PHACTR1: variants seen among roughly 807,000 people sequenced by gnomAD.
The protein encoded by PHACTR1 is RPEL repeat containing 1.
Under a neutral mutation model 69.2 loss-of-function variants are expected in PHACTR1, and 16 were observed. The observed-to-expected ratio is 0.23, with a 90% CI of 0.16 to 0.35. The LOEUF (loss-of-function observed/expected upper bound fraction) is 0.35, where lower values mean the gene tolerates loss of function less well. Ranked by LOEUF, PHACTR1 falls within the 10% of genes least tolerant of loss-of-function variation. PHACTR1 has a pLI of 1.00. For synonymous variants in PHACTR1, 312 were observed against 284.5 expected (o/e 1.10, Z -0.97); for missense variants, 510 against 734.7 (o/e 0.69, Z 3.54).
intron 4 of PHACTR1, among the ~76,000 whole-genome samples, chr6:12,950,273 C>A (rs896240445): frequency 1.3e-5 from 2 of 152,222 alleles, no homozygotes; most frequent in Admixed American, 1.3e-4. Flanking sequence ...CAGTTAACTG[C>A]TTACCTGTCA....
chr6:13,094,286 A>T (rs1813771928), intron 5 of PHACTR1, among the ~76,000 whole-genome samples: 1 of 140,802 alleles, frequency 7.1e-6, no homozygotes, highest in East Asian at 2.2e-4. Context: ...TATTTTTTAA[A>T]AATGATAAAG....
chr6:12,932,934 C>CTTTTT (rs35209150), intron 4 of PHACTR1, among the ~76,000 whole-genome samples: 1 of 124,148 alleles, frequency 8.1e-6, no homozygotes, highest in African/African-American at 2.9e-5. Flanking sequence ...TATTCCAAAT[C>CTTTTT]TTTTTTTTTT....
intron 4 of PHACTR1, among the ~76,000 whole-genome samples, chr6:12,848,435 C>T (rs1201948466): frequency 1.3e-5 from 2 of 152,130 alleles, no homozygotes; most frequent in Non-Finnish European, 2.9e-5. Context: ...CTTTAGGCTC[C>T]ATTAGACTGA....
chr6:13,145,666 C>T (rs1396051425), intron 5 of PHACTR1, among the ~76,000 whole-genome samples: 1 of 152,090 alleles, frequency 6.6e-6, no homozygotes, highest in Non-Finnish European at 1.5e-5. Context: ...AGAAGAGACA[C>T]CAGAGAGCTC....
At position 13,059,864 on chromosome 6, in the gene PHACTR1, G is replaced by C. The variant is rs189300878; in HGVS notation, c.415+6335G>C. Reference sequence around the variant, plus strand: ...ATGTGGAATGAAAAAGAGAGGTCTGGGCTGGCTATGTAAATTTCAGGTCGT... The same window carrying C: ...ATGTGGAATGAAAAAGAGAGGTCTGCGCTGGCTATGTAAATTTCAGGTCGT... On this transcript the variant is annotated intron_variant, in intron 5 of 14. Transcript: ENST00000332995. Among the ~76,000 whole-genome samples the C allele has an allele frequency of 4.6e-5, 7 of 152,120 alleles. No individual in the cohort carries two copies. The East Asian group carries it at 1.2e-3, about 25-fold the overall frequency.
chr6:12,812,459 AT>A (rs1775126614), intron 4 of PHACTR1, among the ~76,000 whole-genome samples: 2 of 152,220 alleles, frequency 1.3e-5, no homozygotes. Flanking sequence ...TATTAACCCT[AT>A]GTTGCTGATC....
chr6:13,171,353 A>G lies in PHACTR1; in HGVS notation c.496+11069A>G, dbSNP rs149033971. Among the ~76,000 whole-genome samples, 12 of 152,206 alleles carry G rather than the reference A, an allele frequency of 7.9e-5. No homozygotes were observed. The East Asian group carries it at 2.3e-3, about 29-fold the overall frequency. On this transcript the variant is annotated intron_variant, in intron 6 of 14. Coordinates refer to ENST00000332995, the MANE Select transcript of PHACTR1 (RefSeq NM_030948.6). ...GGTTTCCCACAACTGCAGTTTCTCT[A>G]ATAGGACTACAGTACACTGAGCCAG...
At chr6:13,206,189 G>A in intron 8 of PHACTR1, 53 bp downstream of exon 8, 4 of 1,463,390 alleles carry the variant, frequency 2.7e-6, no homozygotes, top group Non-Finnish European at 3.7e-6. Flanking sequence ...GGCTGGGGAG[G>A]GGGGCCTAGG....
chr6:13,082,167 C>T (rs1452266551), intron 5 of PHACTR1, among the ~76,000 whole-genome samples: 1 of 152,096 alleles, frequency 6.6e-6, no homozygotes, highest in Non-Finnish European at 1.5e-5. Context: ...CCACTCATCG[C>T]GATGCCTTCA....
chr6:12,724,903 C>G (rs1762587850), intron 3 of PHACTR1, among the ~76,000 whole-genome samples: 1 of 152,186 alleles, frequency 6.6e-6, no homozygotes, highest in African/African-American at 2.4e-5. Context: ...TGACAAAAGT[C>G]ACTAGGCAAT....
At chr6:13,104,555 G>A (rs1815775357) in intron 5 of PHACTR1, among the ~76,000 whole-genome samples, 1 of 152,078 alleles carries the variant, frequency 6.6e-6, no homozygotes, top group South Asian at 2.1e-4. Flanking sequence ...AAAAGAGTCT[G>A]AAATTTACTT....
At chr6:12,879,395 T>C (rs1554160136) in intron 4 of PHACTR1, among the ~76,000 whole-genome samples, 1 of 152,140 alleles carries the variant, frequency 6.6e-6, no homozygotes, top group Non-Finnish European at 1.5e-5. Flanking sequence ...AGGGAAGCCT[T>C]GTAGGTCAGG....
chr6:13,160,778 C>G (rs1363667643), intron 6 of PHACTR1, among the ~76,000 whole-genome samples: 4 of 152,160 alleles, frequency 2.6e-5, no homozygotes, highest in Non-Finnish European at 5.9e-5. Flanking sequence ...TGATATATGA[C>G]TGTACATTTA....
chr6:13,052,688 G>A (rs74683709), intron 4 of PHACTR1, among the ~76,000 whole-genome samples: 1 of 152,064 alleles, frequency 6.6e-6, no homozygotes, highest in African/African-American at 2.4e-5. Context: ...TTTCCCTAAA[G>A]ATACCCCCAG....
intron 10 of PHACTR1, among the ~76,000 whole-genome samples, chr6:13,247,691 T>A (rs546350864): frequency 6.6e-6 from 1 of 152,184 alleles, no homozygotes; most frequent in South Asian, 2.1e-4. Flanking sequence ...TGCATCTTCC[T>A]ATACACTAAC....
intron 4 of PHACTR1, among the ~76,000 whole-genome samples, chr6:12,906,422 GT>G (rs1380748688): frequency 2.0e-5 from 3 of 152,130 alleles, no homozygotes; most frequent in Non-Finnish European, 2.9e-5. Context: ...TCAATGAAAA[GT>G]GCTCTTGATA....
intron 8 of PHACTR1, among the ~76,000 whole-genome samples, chr6:13,217,209 A>C (rs1325475290): frequency 6.6e-6 from 1 of 152,208 alleles, no homozygotes. Context: ...CAGGAAGCAC[A>C]CTGCACCAGC....
At position 13,141,637 on chromosome 6, in the gene PHACTR1, G is replaced by A. The variant is rs375423973; in HGVS notation, c.416-18567G>A. Among the ~76,000 whole-genome samples, 38 of 151,662 alleles carry A rather than the reference G, an allele frequency of 2.5e-4. No homozygotes were observed. The South Asian group carries it at 7.7e-3, about 31-fold the overall frequency. On this transcript the variant is annotated intron_variant, in intron 5 of 14. Transcript: ENST00000332995. ...GATGGCGTTCTGTAAGATCAAGAACGCTTCAACTAGAGCTTTGAGTAGCAC... is the reference window on the plus strand; with the variant it reads ...GATGGCGTTCTGTAAGATCAAGAACACTTCAACTAGAGCTTTGAGTAGCAC...
chr6:12,809,779 A>G (rs906911965), intron 4 of PHACTR1, among the ~76,000 whole-genome samples: 2 of 152,350 alleles, frequency 1.3e-5, no homozygotes, highest in South Asian at 2.1e-4. Context: ...CGGAAGGCCT[A>G]TGGATTGGAA....
Sources: allele counts gnomAD v4.1 joint callset (sites outside exome capture counted in the v4.1 genomes callset), GRCh38; gene constraint gnomAD v4.1.1; transcripts MANE v1.5; gene names NCBI Gene and HGNC (gene_info 2026-07-23, HGNC 2026-07-21).